LRRN2: variants seen among roughly 807,000 people sequenced by gnomAD.
LRRN2 encodes the protein leucine-rich repeat neuronal protein 2.
In LRRN2, 10 loss-of-function variants were observed where a neutral mutation model predicts 35.7. The observed-to-expected ratio is 0.28, with a 90% CI of 0.17 to 0.47. LRRN2 has a LOEUF of 0.47. Among genes scored for constraint, LRRN2 ranks in the 20% least tolerant of loss-of-function variants. The pLI is 0.99. For synonymous variants in LRRN2, 391 were observed against 409.6 expected (o/e 0.95, Z 0.55); for missense variants, 731 against 940.3 (o/e 0.78, Z 2.91).
chr1:204,660,356 C>T (rs1297746831), intron 1 of LRRN2, among the ~76,000 whole-genome samples: 3 of 152,172 alleles, frequency 2.0e-5, no homozygotes, highest in Non-Finnish European at 4.4e-5. Flanking sequence ...TCTTTTCCTC[C>T]TCTGGACTGG....
At chr1:204,655,544 C>T (rs1202323925) in intron 1 of LRRN2, among the ~76,000 whole-genome samples, 1 of 152,210 alleles carries the variant, frequency 6.6e-6, no homozygotes, top group Non-Finnish European at 1.5e-5. Context: ...GATCTGCCAT[C>T]CTAGGCCTCC....
chr1:204,620,279 C>T (rs1571604167), intron 1 of LRRN2, 61 bp from the exon 2 acceptor site: 2 of 1,211,052 alleles, frequency 1.7e-6, no homozygotes, highest in African/African-American at 1.5e-5. Context: ...CCCCTCCTCC[C>T]GTGTTTGTTT....
At chr1:204,630,601 C>T (rs1393202174) in intron 1 of LRRN2, among the ~76,000 whole-genome samples, 5 of 152,000 alleles carry the variant, frequency 3.3e-5, no homozygotes, top group Non-Finnish European at 7.4e-5. Flanking sequence ...AGATAAATGG[C>T]TGCAGCTGAG....
At chr1:204,653,253 T>C (rs145657130) in intron 1 of LRRN2, among the ~76,000 whole-genome samples, 1 of 152,370 alleles carries the variant, frequency 6.6e-6, no homozygotes, top group East Asian at 1.9e-4. Flanking sequence ...AGTACCCAGC[T>C]ACAAGATTGC....
At position 204,619,027 on chromosome 1, in the gene LRRN2, C is replaced by T. The variant is rs1181909764; in HGVS notation, c.966G>A (p.Arg322=). ...AGGCGCGGGGGTGGATGAAGGACAG[C>T]CGTGGGTTATTGGTGATGTCCAGCT... ...LTKLDITNNP[R]LSFIHPRAFH... is the part of the protein sequence containing the mutation. The change falls in exon 2 of 2, where the codon CGG becomes CGA. Residue 322 remains arginine, a synonymous_variant. Transcript: ENST00000367177. The T allele has an allele frequency of 1.1e-5, 18 of 1,608,554 alleles. No individual in the cohort carries two copies. The highest frequency in any genetic ancestry group is 1.5e-5 in the Non-Finnish European group (18 of 1,176,454).
chr1:204,641,838 C>A (rs1035490611), intron 1 of LRRN2, among the ~76,000 whole-genome samples: 2 of 152,240 alleles, frequency 1.3e-5, no homozygotes, highest in African/African-American at 2.4e-5. Context: ...GGTCTTCCCC[C>A]ACCCCTTCAC....
At chr1:204,681,404 C>G (rs778069205) in intron 1 of LRRN2, among the ~76,000 whole-genome samples, 1 of 152,180 alleles carries the variant, frequency 6.6e-6, no homozygotes, top group African/African-American at 2.4e-5. Flanking sequence ...AAGCTCATTA[C>G]ATGTATCACC....
At chr1:204,660,162 T>C (rs1290488843) in intron 1 of LRRN2, among the ~76,000 whole-genome samples, 2 of 152,166 alleles carry the variant, frequency 1.3e-5, no homozygotes, top group Non-Finnish European at 2.9e-5. Flanking sequence ...CCTTGGCTTG[T>C]TCACAGGACT....
At chr1:204,628,351 G>A (rs186374342) in intron 1 of LRRN2, 8 of 152,314 alleles carry the variant, frequency 5.3e-5, no homozygotes, top group Admixed American at 2.6e-4. Context: ...GTGGTTGAAC[G>A]GTGGGCTTTA....
Position 204,655,248 on chromosome 1 carries a change from A to G in LRRN2, c.-227+30072T>C, listed in dbSNP as rs552627950. On this transcript the variant is annotated intron_variant, in intron 1 of 1. Transcript: ENST00000367177. Reference sequence around the variant, plus strand: ...GTGCTAAAACCTTGATGGCATCCCTACTTCAGGTCTCACCAAATTTATGCT... The same window carrying G: ...GTGCTAAAACCTTGATGGCATCCCTGCTTCAGGTCTCACCAAATTTATGCT... 3.1e-4 allele frequency among the ~76,000 whole-genome samples: 47 copies of G among 152,270 alleles called. No individual in the cohort carries two copies. The South Asian group carries it at 8.9e-3, about 29-fold the overall frequency.
At chr1:204,637,536 C>A (rs144156458) in intron 1 of LRRN2, among the ~76,000 whole-genome samples, 1 of 152,254 alleles carries the variant, frequency 6.6e-6, no homozygotes, top group Non-Finnish European at 1.5e-5. Flanking sequence ...CTGACCAGCT[C>A]TGCTCTGTGC....
intron 1 of LRRN2, among the ~76,000 whole-genome samples, chr1:204,651,567 C>T (rs1668225140): frequency 6.6e-6 from 1 of 152,116 alleles, no homozygotes; most frequent in African/African-American, 2.4e-5. Context: ...CAACTTGTCC[C>T]CATTTCCCAG....
At chr1:204,642,581 C>G (rs1668006531) in intron 1 of LRRN2, among the ~76,000 whole-genome samples, 1 of 152,218 alleles carries the variant, frequency 6.6e-6, no homozygotes, top group Non-Finnish European at 1.5e-5. Flanking sequence ...CCCAATCCAC[C>G]CTCTATGCTC....
rs1669054869 is a variant in LRRN2 at position 204,685,614 on chromosome 1, A to G, written c.-521T>C. 1 of 151,500 alleles carries G rather than the reference A, an allele frequency of 6.6e-6. No homozygotes were observed. The highest frequency in any genetic ancestry group is 2.4e-5 in the African/African-American group (1 of 41,184). 9.4% of individuals were successfully genotyped at this position (151,500 alleles called of 1,614,324 possible). On this transcript the variant is annotated 5_prime_UTR_variant, in exon 1 of 2. Coordinates refer to ENST00000367177, the MANE Select transcript of LRRN2 (RefSeq NM_201630.2). ...GGGCGAGAGCCAGGCGCTCCTTGAG[A>G]GCGCCGCGCGTTCGCAGGTGCCCGG... is the stretch of plus-strand genomic sequence containing the variant.
At chr1:204,662,129 A>C (rs1401335953) in intron 1 of LRRN2, among the ~76,000 whole-genome samples, 1 of 152,234 alleles carries the variant, frequency 6.6e-6, no homozygotes, top group East Asian at 1.9e-4. Context: ...AGGAAGAAGG[A>C]ACCCAAGACT....
intron 1 of LRRN2, among the ~76,000 whole-genome samples, chr1:204,651,326 A>G (rs1270846511): frequency 6.6e-6 from 1 of 152,250 alleles, no homozygotes; most frequent in African/African-American, 2.4e-5. Context: ...CCTGGAGCAG[A>G]GAAATCGGCT....
intron 1 of LRRN2, among the ~76,000 whole-genome samples, chr1:204,676,293 T>C (rs1668822716): frequency 6.6e-6 from 1 of 152,208 alleles, no homozygotes; most frequent in East Asian, 1.9e-4. Flanking sequence ...CCAAGATTCA[T>C]GAACAGTCCC....
intron 1 of LRRN2, among the ~76,000 whole-genome samples, chr1:204,625,524 A>C (rs1168112413): frequency 6.6e-6 from 1 of 152,204 alleles, no homozygotes; most frequent in Non-Finnish European, 1.5e-5. Context: ...CCCAACATGC[A>C]TAGGTACAAG....
At chr1:204,626,941 T>G (rs1435080076) in intron 1 of LRRN2, 1 of 145,760 alleles carries the variant, frequency 6.9e-6, no homozygotes, top group African/African-American at 2.6e-5. Context: ...CAAGGCTTTT[T>G]CTTTTTTCTT....
Sources: gnomAD v4.1 joint callset for allele counts (sites outside exome capture counted in the v4.1 genomes callset) on GRCh38, gnomAD v4.1.1 for gene constraint, MANE v1.5 for transcripts, NCBI Gene and HGNC (gene_info 2026-07-23, HGNC 2026-07-21) for gene names.